Variants in IQGAP2 observed in about 807,000 individuals in gnomAD.
The protein encoded by IQGAP2 is ras GTPase-activating-like protein IQGAP2.
IQGAP2 carries 173 observed loss-of-function variants against 201.3 expected under a neutral mutation model. The observed-to-expected ratio is 0.86, with a 90% confidence interval of 0.76 to 0.98. IQGAP2 has a LOEUF of 0.98. IQGAP2 is among the 50% of genes least tolerant of loss of function. The pLI, the probability that IQGAP2 is intolerant of heterozygous loss-of-function variation, is 0.00. For synonymous variants in IQGAP2, 675 were observed against 673.9 expected (o/e 1.00, Z -0.03); for missense variants, 1,687 against 1,864.8 (o/e 0.90, Z 1.76).
At chr5:76,442,086 T>C (rs2150105327) in intron 1 of IQGAP2, among the ~76,000 whole-genome samples, 2 of 152,284 alleles carry the variant, frequency 1.3e-5, no homozygotes, top group South Asian at 4.1e-4. Context: ...GCTGATTTCT[T>C]ATCTATGTGA....
At chr5:76,436,909 A>G (rs574413961) in intron 1 of IQGAP2, among the ~76,000 whole-genome samples, 160 of 151,864 alleles carry the variant, frequency 1.1e-3, no homozygotes, top group Middle Eastern at 3.4e-3. Flanking sequence ...TGTTTATGTT[A>G]TACATACATA....
chr5:76,448,788 G>A (rs923521856), intron 1 of IQGAP2, among the ~76,000 whole-genome samples: 4 of 152,186 alleles, frequency 2.6e-5, no homozygotes, highest in African/African-American at 9.6e-5. Flanking sequence ...GGCAAAATGA[G>A]CTTGGTTTGA....
chr5:76,463,134 A>G (rs1754573557), intron 2 of IQGAP2, among the ~76,000 whole-genome samples: 1 of 151,440 alleles, frequency 6.6e-6, no homozygotes, highest in African/African-American at 2.4e-5. Context: ...AAAAAAAAAA[A>G]AAAAAAAAAG....
At chr5:76,630,470 A>G (rs1750604325) in intron 14 of IQGAP2, among the ~76,000 whole-genome samples, 3 of 152,166 alleles carry the variant, frequency 2.0e-5, no homozygotes, top group Admixed American at 1.3e-4. Context: ...AAATGGTTCT[A>G]TTAAGATGAG....
At chr5:76,629,053 G>A (rs1750483695) in intron 14 of IQGAP2, among the ~76,000 whole-genome samples, 1 of 152,268 alleles carries the variant, frequency 6.6e-6, no homozygotes. Context: ...ATGTCAAGTT[G>A]ATTCTGTTTT....
Position 76,562,384 on chromosome 5 carries a change from TAA to T in IQGAP2, c.147-11_147-10del. ...TGGAATCACTTTAATATTTTTTTTT[TAA>T]TCTCTTTAGGTGGATGGAAGTTTGC... On this transcript the variant is annotated splice_polypyrimidine_tract_variant and intron_variant, in intron 2 of 35. Transcript: ENST00000274364. 1 of 1,578,754 alleles carries T rather than the reference TAA, an allele frequency of 6.3e-7. No individual in the cohort carries two copies. The highest frequency in any genetic ancestry group is 1.9e-5 in the Admixed American group (1 of 52,484).
At chr5:76,646,332 G>A (rs1013148475) in intron 17 of IQGAP2, among the ~76,000 whole-genome samples, 4 of 152,040 alleles carry the variant, frequency 2.6e-5, no homozygotes, top group African/African-American at 7.2e-5. Context: ...TTTTCTAAAC[G>A]GATAATTAAT....
At position 76,683,196 on chromosome 5, in the gene IQGAP2, C is replaced by T. The variant is rs757375290; in HGVS notation, c.3742C>T (p.Pro1248Ser). ...ATTGCTGGGGTCGCTGGGAGAGGTG[C>T]CAACCGTGGAATCTTTTCTTGGTAA... is the stretch of plus-strand genomic sequence containing the variant. ...SELLGSLGEV[P>S]TVESFLGEGA... The change falls in exon 29 of 36, where the codon CCA becomes TCA. Residue 1248 changes from proline (P) to serine (S), a missense_variant. By Grantham distance (74) the Pro-to-Ser change is moderately conservative. Coordinates refer to ENST00000274364, the MANE Select transcript of IQGAP2 (RefSeq NM_006633.5). 2 of 1,611,216 alleles carry T rather than the reference C, an allele frequency of 1.2e-6. No individual in the cohort carries two copies. The highest frequency in any genetic ancestry group is 1.7e-5 in the Admixed American group (1 of 59,684).
Position 76,683,881 on chromosome 5 carries a change from A to G in IQGAP2, c.3869A>G (p.Asp1290Gly). 1 of 1,613,236 alleles carries G rather than the reference A, an allele frequency of 6.2e-7. No individual in the cohort carries two copies. The highest frequency in any genetic ancestry group is 8.5e-7 in the Non-Finnish European group (1 of 1,179,570). ...TTGACAAGCAAATATGACATAGAGG[A>G]CGGTGAAGCTATAGATAGCCGAAGC... Reference protein sequence around the residue: ...LVLTSKYDIEDGEAIDSRSLM... With the variant: ...LVLTSKYDIEGGEAIDSRSLM... Residue 1290 changes from aspartate to glycine, a missense_variant, in exon 30 of 36, where the codon GAC becomes GGC. Transcript: ENST00000274364.
At chr5:76,575,085 A>C (rs1358677678) in intron 4 of IQGAP2, among the ~76,000 whole-genome samples, 2 of 152,242 alleles carry the variant, frequency 1.3e-5, no homozygotes, top group Admixed American at 1.3e-4. Context: ...TACAGAAAAA[A>C]AGACCAGAAG....
At chr5:76,425,708 C>T (rs937912914) in intron 1 of IQGAP2, among the ~76,000 whole-genome samples, 2 of 152,084 alleles carry the variant, frequency 1.3e-5, no homozygotes, top group African/African-American at 2.4e-5. Flanking sequence ...CTCATCTGCT[C>T]GGATTTGACT....
At chr5:76,525,208 T>C (rs966747020) in intron 2 of IQGAP2, among the ~76,000 whole-genome samples, 5 of 152,262 alleles carry the variant, frequency 3.3e-5, no homozygotes, top group African/African-American at 1.2e-4. Context: ...TGTTGTTTCA[T>C]GATACTATTT....
At chr5:76,479,088 G>C (rs982394580) in intron 2 of IQGAP2, among the ~76,000 whole-genome samples, 4 of 151,892 alleles carry the variant, frequency 2.6e-5, no homozygotes, top group Admixed American at 2.6e-4. Flanking sequence ...CACCGCCTCC[G>C]CCTTCCCGCC....
chr5:76,648,459 A>G (rs1752256648), intron 17 of IQGAP2, among the ~76,000 whole-genome samples: 1 of 152,190 alleles, frequency 6.6e-6, no homozygotes, highest in Admixed American at 6.5e-5. Flanking sequence ...CTAAGGTTCA[A>G]TCACTTGACT....
At chr5:76,456,073 A>G (rs1344244003) in intron 1 of IQGAP2, among the ~76,000 whole-genome samples, 1 of 152,206 alleles carries the variant, frequency 6.6e-6, no homozygotes, top group Non-Finnish European at 1.5e-5. Flanking sequence ...TAAACTTGGA[A>G]GGACACAGCA....
intron 13 of IQGAP2, 92 bp downstream of exon 13, chr5:76,611,275 T>A: frequency 1.1e-6 from 1 of 870,742 alleles, no homozygotes; most frequent in Non-Finnish European, 1.7e-6. Flanking sequence ...ACGTTAAATC[T>A]CATGAGCTTC....
chr5:76,599,050 T>G (rs1209668681), intron 10 of IQGAP2, among the ~76,000 whole-genome samples: 1 of 152,094 alleles, frequency 6.6e-6, no homozygotes, highest in Admixed American at 6.5e-5. Flanking sequence ...CAAAAGAGCT[T>G]GAGTGGTAGC....
chr5:76,476,024 T>A (rs1377159952), intron 2 of IQGAP2, among the ~76,000 whole-genome samples: 3 of 151,870 alleles, frequency 2.0e-5, no homozygotes, highest in Non-Finnish European at 4.4e-5. Flanking sequence ...ACAATGAGAA[T>A]AAAGGGCAGG....
rs771428666 is a variant in IQGAP2, at chr5:76,668,715, A to G, written c.2714A>G (p.Gln905Arg). The change falls in exon 23 of 36, where the codon CAG becomes CGG. Residue 905 changes from glutamine (Q) to arginine (R), a missense_variant. Gln to Arg is a conservative substitution (Grantham distance 43). Transcript: ENST00000274364. ...TTATACTTGGCTAAGCTGATTTTCC[A>G]GATGCCACAGAACAAGTCCACTAAA... is the stretch of plus-strand genomic sequence containing the variant. ...NPLYLAKLIF[Q>R]MPQNKSTKFM... The G allele has an allele frequency of 2.5e-6, 4 of 1,611,914 alleles. No homozygotes were observed. In the South Asian group the frequency reaches 4.4e-5, roughly 18 times the overall value.
Sources: allele counts gnomAD v4.1 joint callset (sites outside exome capture counted in the v4.1 genomes callset), GRCh38; gene constraint gnomAD v4.1.1; transcripts MANE v1.5; gene names NCBI Gene and HGNC (gene_info 2026-07-23, HGNC 2026-07-21).